Variants in BTBD9 observed in about 807,000 individuals in gnomAD.
BTBD9 encodes BTB/POZ domain-containing protein 9.
In BTBD9, 49 loss-of-function variants were observed where a neutral mutation model predicts 64.3. The ratio of observed to expected loss-of-function variants is 0.76; its 90% CI spans 0.61 to 0.97. BTBD9 has a LOEUF of 0.97. BTBD9 is among the 50% of genes least tolerant of loss of function. The pLI is 0.00. For synonymous variants in BTBD9, 260 were observed against 274.7 expected, an observed-to-expected ratio of 0.95 and a Z score of 0.53; for missense variants, 598 against 762.1, an observed-to-expected ratio of 0.78 and a Z score of 2.53.
At chr6:38,437,029 ACAAT>A in intron 6 of BTBD9, among the ~76,000 whole-genome samples, 1 of 152,230 alleles carries the variant, frequency 6.6e-6, no homozygotes. Flanking sequence ...CTAATGTTGC[ACAAT>A]CAAACACAGT....
intron 6 of BTBD9, among the ~76,000 whole-genome samples, chr6:38,454,503 T>A (rs1769705873): frequency 6.7e-6 from 1 of 149,092 alleles, no homozygotes; most frequent in Non-Finnish European, 1.5e-5. Context: ...ATCTTAAATA[T>A]AATATAATTA....
chr6:38,478,846 T>G (rs76449268), intron 6 of BTBD9, among the ~76,000 whole-genome samples: 2 of 152,206 alleles, frequency 1.3e-5, no homozygotes, highest in African/African-American at 4.8e-5. Context: ...TTGGTATGTC[T>G]TGTGAGCTAA....
intron 9 of BTBD9, among the ~76,000 whole-genome samples, chr6:38,201,164 C>A (rs1376706448): frequency 1.3e-5 from 2 of 152,132 alleles, no homozygotes; most frequent in African/African-American, 4.8e-5. Context: ...AGGCCAATAT[C>A]CTCAATGAAC....
chr6:38,583,640 C>T (rs1776390799), intron 4 of BTBD9, among the ~76,000 whole-genome samples: 1 of 152,222 alleles, frequency 6.6e-6, no homozygotes, highest in Non-Finnish European at 1.5e-5. Flanking sequence ...ACATACCAGG[C>T]ACAAGAGTTT....
At chr6:38,302,485 G>GTA (rs59324806) in intron 7 of BTBD9, among the ~76,000 whole-genome samples, 4,831 of 106,120 alleles carry the variant, frequency 0.046, 162 homozygotes, top group African/African-American at 0.064. Context: ...TTGTGTGTAT[G>GTA]TATATATATA....
At chr6:38,615,907 G>A (rs1777770949) in intron 1 of BTBD9, among the ~76,000 whole-genome samples, 1 of 152,154 alleles carries the variant, frequency 6.6e-6, no homozygotes, top group African/African-American at 2.4e-5. Context: ...GGCTGTGGTA[G>A]GCAGAAATGT....
intron 6 of BTBD9, among the ~76,000 whole-genome samples, chr6:38,471,190 C>CA (rs1770634336): frequency 2.0e-5 from 3 of 152,246 alleles, no homozygotes; most frequent in Admixed American, 6.5e-5. Context: ...CAAACCTTAA[C>CA]ATACCCTTGA....
At chr6:38,236,009 G>A (rs781396259) in intron 9 of BTBD9, among the ~76,000 whole-genome samples, 29 of 152,192 alleles carry the variant, frequency 1.9e-4, no homozygotes, top group East Asian at 3.9e-4. Flanking sequence ...ACAGGGCTGC[G>A]TATGGGACAG....
chr6:38,486,569 A>C (rs1211780316), intron 6 of BTBD9, among the ~76,000 whole-genome samples: 2 of 152,206 alleles, frequency 1.3e-5, no homozygotes, highest in Non-Finnish European at 2.9e-5. Flanking sequence ...ATGGGGGAAC[A>C]ACCAGTCAGT....
chr6:38,303,874 T>TATATACACACAC (rs368257334), intron 7 of BTBD9, among the ~76,000 whole-genome samples: 6 of 82,650 alleles, frequency 7.3e-5, no homozygotes, highest in African/African-American at 2.9e-4. Flanking sequence ...TATATATATA[T>TATATACACACAC]ACACACACAC....
At chr6:38,363,157 T>C (rs866029790) in intron 6 of BTBD9, among the ~76,000 whole-genome samples, 2 of 152,298 alleles carry the variant, frequency 1.3e-5, no homozygotes, top group South Asian at 4.1e-4. Flanking sequence ...GGTGTGATCA[T>C]AGCTCAGCGC....
intron 6 of BTBD9, among the ~76,000 whole-genome samples, chr6:38,517,389 G>A (rs1582561991): frequency 1.3e-5 from 2 of 152,272 alleles, no homozygotes; most frequent in East Asian, 3.9e-4. Context: ...CACAAACCTT[G>A]TGTATCTTGT....
intron 6 of BTBD9, among the ~76,000 whole-genome samples, chr6:38,457,406 A>C (rs1475147790): frequency 6.6e-6 from 1 of 152,200 alleles, no homozygotes; most frequent in African/African-American, 2.4e-5. Context: ...TGCAGATTGC[A>C]GTAGATGGAT....
intron 9 of BTBD9, among the ~76,000 whole-genome samples, chr6:38,226,680 G>A (rs568657831): frequency 1.3e-5 from 2 of 152,350 alleles, no homozygotes; most frequent in African/African-American, 4.8e-5. Flanking sequence ...GCTCAAACCT[G>A]AGATTTGGGC....
intron 6 of BTBD9, among the ~76,000 whole-genome samples, chr6:38,513,623 G>C (rs1772875066): frequency 6.6e-6 from 1 of 152,010 alleles, no homozygotes; most frequent in African/African-American, 2.4e-5. Context: ...TGGAGAAAAA[G>C]ATTAATATGA....
Position 38,172,741 on chromosome 6 carries a change from G to T in BTBD9, c.*2244C>A, listed in dbSNP as rs1307850714. On this transcript the variant is annotated 3_prime_UTR_variant, in exon 11 of 11. Transcript: ENST00000481247. ...TCTTTAAAGTGCTAGAAGACAGGAG[G>T]GACAGAGATCTGGAAGGGCATGCCC... The T allele has an allele frequency of 6.6e-6, 1 of 152,524 alleles. No homozygotes were observed. The highest frequency in any genetic ancestry group is 1.9e-4 in the East Asian group (1 of 5,204). 9.4% of individuals were successfully genotyped at this position (152,524 alleles called of 1,614,324 possible). A position where few individuals can be genotyped will look rare whatever the true frequency, so the allele number is the denominator to read the frequency against.
At chr6:38,461,057 C>A (rs965099886) in intron 6 of BTBD9, among the ~76,000 whole-genome samples, 5 of 152,246 alleles carry the variant, frequency 3.3e-5, no homozygotes, top group African/African-American at 1.2e-4. Flanking sequence ...AGGCGTTTCA[C>A]GCTCACTCTG....
chr6:38,229,415 AC>A (rs1763521986), intron 9 of BTBD9, among the ~76,000 whole-genome samples: 1 of 152,104 alleles, frequency 6.6e-6, no homozygotes, highest in Non-Finnish European at 1.5e-5. Flanking sequence ...AATTATCATG[AC>A]CCTACAGCCC....
intron 9 of BTBD9, among the ~76,000 whole-genome samples, chr6:38,242,889 T>C (rs1764052125): frequency 6.6e-6 from 1 of 152,244 alleles, no homozygotes; most frequent in African/African-American, 2.4e-5. Flanking sequence ...TAGGCCCTTA[T>C]TTCTTCCCTT....
Sources: allele counts gnomAD v4.1 joint callset (sites outside exome capture counted in the v4.1 genomes callset), GRCh38; gene constraint gnomAD v4.1.1; transcripts MANE v1.5; gene names NCBI Gene and HGNC (gene_info 2026-07-23, HGNC 2026-07-21).